The following ZNF761 variants were observed in gnomAD, a reference collection of about 807,000 sequenced individuals.
The protein encoded by ZNF761 is zinc finger protein 761.
ZNF761 carries 43 observed loss-of-function variants against 59.9 expected under a neutral mutation model. The ratio of observed to expected loss-of-function variants is 0.72; its 90% CI spans 0.56 to 0.92. ZNF761 has a LOEUF of 0.92. Among genes scored for constraint, ZNF761 ranks in the 40% least tolerant of loss-of-function variants. ZNF761 has a pLI of 0.00. For synonymous variants in ZNF761, 294 were observed against 304.8 expected (o/e 0.96, Z 0.37); for missense variants, 850 against 906.1 (o/e 0.94, Z 0.79).
intron 3 of ZNF761, among the ~76,000 whole-genome samples, chr19:53,448,697 C>T (rs895138629): frequency 6.6e-6 from 1 of 152,080 alleles, no homozygotes; most frequent in Non-Finnish European, 1.5e-5. Flanking sequence ...GCAACCTCCA[C>T]CCTAAGGCTC....
chr19:53,433,306 C>A (rs1045178585), intron 1 of ZNF761, among the ~76,000 whole-genome samples: 5 of 151,862 alleles, frequency 3.3e-5, no homozygotes, highest in Non-Finnish European at 5.9e-5. Context: ...CATAGCATAA[C>A]TTGTGTCCTT....
intron 1 of ZNF761, among the ~76,000 whole-genome samples, chr19:53,437,916 A>G (rs2086059791): frequency 7.0e-6 from 1 of 143,772 alleles, no homozygotes; most frequent in African/African-American, 2.5e-5. Flanking sequence ...ATGTTCCGGT[A>G]GGCAGAGGCT....
chr19:53,451,045 C>T (rs2086217646), intron 4 of ZNF761, among the ~76,000 whole-genome samples: 1 of 151,268 alleles, frequency 6.6e-6, no homozygotes, highest in Non-Finnish European at 1.5e-5. Flanking sequence ...TCCACTAGAA[C>T]TCTGTATTTA....
In ZNF761 at chr19:53,454,944, C is replaced by T. The variant is rs553863305; in HGVS notation, c.437C>T (p.Ser146Leu). The change falls in exon 5 of 5, where the codon TCG (serine) becomes TTG (leucine). Residue 146 changes from serine to leucine, a missense_variant. By Grantham distance (145) the Ser-to-Leu change is moderately radical. Coordinates refer to ENST00000684525, the MANE Select transcript of ZNF761 (RefSeq NM_001289951.2). The part of the protein sequence containing the change: ...IKDQLGSSFH[S>L]HLPEMHIFQT... ...GATCAGCTTGGATCAAGCTTTCATTCGCATCTGCCTGAAATGCACATATTT... is the reference window on the plus strand; with the variant it reads ...GATCAGCTTGGATCAAGCTTTCATTTGCATCTGCCTGAAATGCACATATTT... The T allele has an allele frequency of 4.5e-5, 73 of 1,614,116 alleles. 1 individual carries two copies. The highest frequency in any genetic ancestry group is 2.6e-4 in the South Asian group (24 of 91,080).
At chr19:53,435,966 G>T (rs938494915) in intron 1 of ZNF761, among the ~76,000 whole-genome samples, 4 of 152,198 alleles carry the variant, frequency 2.6e-5, no homozygotes, top group African/African-American at 9.7e-5. Flanking sequence ...TCTGGTGTGT[G>T]ACTAGAGCTG....
At chr19:53,437,703 A>G (rs140566250) in intron 1 of ZNF761, among the ~76,000 whole-genome samples, 15 of 152,178 alleles carry the variant, frequency 9.9e-5, no homozygotes, top group Non-Finnish European at 1.8e-4. Context: ...TCTGGAAGCT[A>G]TACAGCCTCT....
At chr19:53,451,668 T>C (rs970919390) in intron 4 of ZNF761, among the ~76,000 whole-genome samples, 4 of 150,696 alleles carry the variant, frequency 2.7e-5, no homozygotes, top group Non-Finnish European at 4.4e-5. Flanking sequence ...CTGCAACCTC[T>C]CCCTCCCAGG....
chr19:53,450,804 C>T (rs551781167), intron 4 of ZNF761, among the ~76,000 whole-genome samples: 1 of 152,040 alleles, frequency 6.6e-6, no homozygotes, highest in Non-Finnish European at 1.5e-5. Context: ...CAAAACCAGC[C>T]TGCCTAACAT....
At position 53,438,436 on chromosome 19, in the gene ZNF761, C is replaced by T. The variant is rs375450559; in HGVS notation, c.-185+6408C>T. On this transcript the variant is annotated intron_variant, in intron 1 of 4. Coordinates refer to ENST00000684525, the MANE Select transcript of ZNF761 (RefSeq NM_001289951.2). Reference sequence around the variant, plus strand: ...ATGATCCTATAAGTTGAGTCAGAGCCCCTATAGTCATTGTTTTTTGTTCAT... The same window carrying T: ...ATGATCCTATAAGTTGAGTCAGAGCTCCTATAGTCATTGTTTTTTGTTCAT... Among the ~76,000 whole-genome samples, 62 of 152,256 alleles carry T rather than the reference C, an allele frequency of 4.1e-4. No homozygotes were observed. In the South Asian group the frequency reaches 0.012, roughly 29 times the overall value.
intron 3 of ZNF761, among the ~76,000 whole-genome samples, chr19:53,448,964 T>C (rs1361999899): frequency 6.6e-6 from 1 of 152,108 alleles, no homozygotes; most frequent in Non-Finnish European, 1.5e-5. Flanking sequence ...TCTTTCACTG[T>C]GAATGTTGTC....
chr19:53,432,977 A>C (rs1458161524), intron 1 of ZNF761, among the ~76,000 whole-genome samples: 1 of 151,406 alleles, frequency 6.6e-6, no homozygotes, highest in African/African-American at 2.4e-5. Context: ...GCTGGTGGCA[A>C]GGAGAACAGA....
Position 53,449,564 on chromosome 19 carries a change from A to T in ZNF761, c.68A>T (p.Lys23Ile). Residue 23 changes from lysine to isoleucine, a missense_variant, in exon 4 of 5, where the codon AAA (lysine) becomes ATA (isoleucine). By Grantham distance (102) the Lys-to-Ile change is moderately radical. Transcript: ENST00000684525. ...ATAGAATTCTCTCAGGAGGAGTGGA[A>T]ATGCCTGGACCCTGCTCAGAGGACT... The part of the protein sequence containing the change: ...VAIEFSQEEW[K>I]CLDPAQRTLY... The T allele has an allele frequency of 1.2e-6, 2 of 1,613,672 alleles. No individual in the cohort carries two copies. Among genetic ancestry groups the T allele is most frequent in the East Asian group, 4.5e-5 (2 of 44,886 alleles).
chr19:53,436,911 A>G (rs1022641844), intron 1 of ZNF761, among the ~76,000 whole-genome samples: 1 of 152,128 alleles, frequency 6.6e-6, no homozygotes, highest in Admixed American at 6.5e-5. Context: ...CACGGCTCCT[A>G]CTTCTTGAAT....
At chr19:53,447,558 C>A (rs763412985) in intron 3 of ZNF761, among the ~76,000 whole-genome samples, 8 of 152,046 alleles carry the variant, frequency 5.3e-5, no homozygotes, top group Non-Finnish European at 1.2e-4. Context: ...GGTGTCAGTG[C>A]TGTTGGACAG....
At chr19:53,434,187 C>G (rs529544706) in intron 1 of ZNF761, among the ~76,000 whole-genome samples, 5 of 152,268 alleles carry the variant, frequency 3.3e-5, no homozygotes, top group African/African-American at 9.6e-5. Context: ...TATCTTGTGC[C>G]CAGGTAGCTG....
At chr19:53,444,232 G>C (rs2086130332) in intron 1 of ZNF761, 2 of 152,178 alleles carry the variant, frequency 1.3e-5, no homozygotes, top group Admixed American at 6.5e-5. Context: ...GAAAGAGGAA[G>C]ACCTCTTTGC....
In ZNF761 at chr19:53,438,533, G is replaced by A. The variant is rs555493887; in HGVS notation, c.-185+6505G>A. Among the ~76,000 whole-genome samples, 3 of 152,282 alleles carry A rather than the reference G, an allele frequency of 2.0e-5. No homozygotes were observed. The South Asian group carries it at 6.2e-4, about 32-fold the overall frequency. ...GCCTGGGTTAAAGCTTCCTTGATCT[G>A]TTTGAAGGCTATTTCTTGGTTAGTT... On this transcript the variant is annotated intron_variant, in intron 1 of 4. Transcript: ENST00000684525.
chr19:53,455,046 T>C lies in ZNF761; in HGVS notation c.539T>C (p.Ile180Thr), dbSNP rs781233867. The change falls in exon 5 of 5, where the codon ATT becomes ACT. Residue 180 changes from isoleucine to threonine, a missense_variant. Ile to Thr is a moderately conservative substitution (Grantham distance 89, BLOSUM62 -1). Transcript: ENST00000684525. Reference protein sequence around the residue: ...DASLVSTAQRISCRPKTHISN... With the variant: ...DASLVSTAQRTSCRPKTHISN... ...TCCTTGGTTTCAACAGCCCAAAGAA[T>C]TTCTTGTAGGCCCAAAACCCATATA... 1 of 1,614,158 alleles carries C rather than the reference T, an allele frequency of 6.2e-7. No homozygotes were observed. The highest frequency in any genetic ancestry group is 8.5e-7 in the Non-Finnish European group (1 of 1,180,026).
At chr19:53,442,956 A>T (rs193065683) in intron 1 of ZNF761, 3 of 315,570 alleles carry the variant, frequency 9.5e-6, no homozygotes, top group Non-Finnish European at 6.2e-6. Context: ...TTTTTTCTGT[A>T]CAAGTATATT....
Sources: allele counts gnomAD v4.1 joint callset (sites outside exome capture counted in the v4.1 genomes callset), GRCh38; gene constraint gnomAD v4.1.1; transcripts MANE v1.5; gene names NCBI Gene and HGNC (gene_info 2026-07-23, HGNC 2026-07-21).